The following AHRR variants were observed in gnomAD, a reference collection of about 807,000 sequenced individuals.
The protein encoded by AHRR is ahR repressor.
A neutral mutation model predicts 44.0 loss-of-function variants in AHRR; 28 were observed. The ratio of observed to expected loss-of-function variants is 0.64; its 90% CI spans 0.47 to 0.87. The LOEUF (loss-of-function observed/expected upper bound fraction) is 0.87, where lower values mean the gene tolerates loss of function less well. AHRR is among the 40% of genes least tolerant of loss of function. AHRR has a pLI of 0.00. For synonymous variants in AHRR, 434 were observed against 407.0 expected, an observed-to-expected ratio of 1.07 and a Z score of -0.80; for missense variants, 990 against 953.9, an observed-to-expected ratio of 1.04 and a Z score of -0.50.
In AHRR at chr5:388,351, C is replaced by G. The variant is rs1734256271; in HGVS notation, c.351+11635C>G. 1.3e-5 allele frequency among the ~76,000 whole-genome samples: 2 copies of G among 152,362 alleles called. No homozygotes were observed. The highest frequency in any genetic ancestry group is 4.1e-4 in the South Asian group (2 of 4,830). ...CTGGGGCTGCCCCAAGACTGTGAAG[C>G]TCATGGACTCACGCAGCCATCCATC... On this transcript the variant is annotated intron_variant, in intron 4 of 10. Coordinates refer to ENST00000684583, the MANE Select transcript of AHRR (RefSeq NM_001377236.1). This position sits in a 1 kb window ranked among gnomAD's most constrained non-coding sequence, Gnocchi z 5.2.
At chr5:415,731 C>CCGAG (rs1579689950) in intron 5 of AHRR, among the ~76,000 whole-genome samples, 1 of 152,110 alleles carries the variant, frequency 6.6e-6, no homozygotes, top group Non-Finnish European at 1.5e-5. Context: ...GGCCTAGGGG[C>CCGAG]TGTGCAGAGC....
At chr5:365,074 T>C (rs933066565) in intron 3 of AHRR, among the ~76,000 whole-genome samples, 2 of 152,064 alleles carry the variant, frequency 1.3e-5, no homozygotes, top group Non-Finnish European at 2.9e-5. Flanking sequence ...TGTAACTCAG[T>C]ATTTTATAGA....
chr5:397,130 C>T (rs1343397223), intron 4 of AHRR, among the ~76,000 whole-genome samples: 7 of 133,702 alleles, frequency 5.2e-5, no homozygotes, highest in African/African-American at 1.1e-4. Flanking sequence ...CCATGTTAGC[C>T]CCTGACCATC....
chr5:412,879 C>A (rs1735527476), intron 4 of AHRR, among the ~76,000 whole-genome samples: 1 of 152,086 alleles, frequency 6.6e-6, no homozygotes, highest in African/African-American at 2.4e-5. Flanking sequence ...CACCACCACA[C>A]CCGGCTAATT....
chr5:422,363 A>G, intron 5 of AHRR: 1 of 327,332 alleles, frequency 3.1e-6, no homozygotes, highest in East Asian at 9.3e-5. Flanking sequence ...ACAGGCCATA[A>G]GATGTGAAGT....
intron 4 of AHRR, among the ~76,000 whole-genome samples, chr5:402,003 A>C (rs1735033027): frequency 6.6e-6 from 1 of 152,192 alleles, no homozygotes. Context: ...CCGTCAACAC[A>C]ATGAAGAGGC....
intron 9 of AHRR, 84 bp from the exon 10 acceptor site, chr5:432,722 T>C: frequency 6.2e-7 from 1 of 1,606,466 alleles, no homozygotes; most frequent in Non-Finnish European, 8.5e-7. Context: ...CGATGGGTCC[T>C]GCCTTGCTGA....
Position 395,222 on chromosome 5 carries a change from G to A in AHRR, c.352-18122G>A, listed in dbSNP as rs970215471. Among the ~76,000 whole-genome samples the A allele has an allele frequency of 2.6e-5, 4 of 152,186 alleles. No individual in the cohort carries two copies. Among genetic ancestry groups the A allele is most frequent in the African/African-American group, 9.7e-5 (4 of 41,448 alleles). On this transcript the variant is annotated intron_variant, in intron 4 of 10. Coordinates refer to ENST00000684583, the MANE Select transcript of AHRR (RefSeq NM_001377236.1). This position sits in a 1 kb window ranked among gnomAD's most constrained non-coding sequence, Gnocchi z 5.3. ...CAAGTCCCCCTCCTGCCAGGTGGCCGACACTGGCTGCCCTGCGTCCCCATT... is the reference window on the plus strand; with the variant it reads ...CAAGTCCCCCTCCTGCCAGGTGGCCAACACTGGCTGCCCTGCGTCCCCATT...
At position 400,652 on chromosome 5, in the gene AHRR, G is replaced by A. The variant is rs559536480; in HGVS notation, c.352-12692G>A. On this transcript the variant is annotated intron_variant, in intron 4 of 10. Coordinates refer to ENST00000684583, the MANE Select transcript of AHRR (RefSeq NM_001377236.1). ...GCATATTTGAAAGATGGGCCCACAT[G>A]TGTAAAAGTATTTGGCATGACAATG... is the stretch of plus-strand genomic sequence containing the variant. Among the ~76,000 whole-genome samples the A allele has an allele frequency of 2.6e-5, 4 of 152,282 alleles. No homozygotes were observed. The South Asian group carries it at 8.3e-4, about 32-fold the overall frequency.
rs547974327 is a variant in AHRR at position 404,346 on chromosome 5, T to G, written c.352-8998T>G. On this transcript the variant is annotated intron_variant, in intron 4 of 10. Transcript: ENST00000684583. This position sits in a 1 kb window ranked among gnomAD's most constrained non-coding sequence, Gnocchi z 4.1. ...TAAAAGCTGTTTCACTCTTTTTTTT[T>G]TCTTTTTTCCTTCATTCTGGGTGTC... 2.3e-4 allele frequency: 111 copies of G among 491,348 alleles called. No individual in the cohort carries two copies. Among genetic ancestry groups the G allele is most frequent in the Non-Finnish European group, 3.6e-4 (90 of 246,928 alleles). The allele number at this position is 491,348 out of a possible 1,614,324, so 30.4% of individuals were successfully genotyped here. A position where few individuals can be genotyped will look rare whatever the true frequency, so the allele number is the denominator to read the frequency against.
intron 4 of AHRR, chr5:403,722 G>A (rs957666489): frequency 4.2e-5 from 43 of 1,026,102 alleles, no homozygotes; most frequent in East Asian, 5.3e-5. Flanking sequence ...ATATTTTTCC[G>A]TATTAAAATT....
At chr5:386,572 C>G (rs562509522) in intron 4 of AHRR, among the ~76,000 whole-genome samples, 1 of 152,344 alleles carries the variant, frequency 6.6e-6, no homozygotes, top group Non-Finnish European at 1.5e-5. Context: ...CCTCTTGAAG[C>G]TGGGAAAAGC....
chr5:323,549 T>G (rs1741580742), intron 1 of AHRR, among the ~76,000 whole-genome samples: 1 of 152,250 alleles, frequency 6.6e-6, no homozygotes. Flanking sequence ...AAATTATTTA[T>G]TTCCTGCAAC....
In AHRR at chr5:434,657, A is replaced by G; in HGVS notation, c.1917A>G (p.Arg639=). ...CCCACCAGCTCTGTGCACGGGGCCGAGGTGAACAGTCCTGCACCTGCAGAG... is the reference window on the plus strand; with the variant it reads ...CCCACCAGCTCTGTGCACGGGGCCGGGGTGAACAGTCCTGCACCTGCAGAG... ...EPPHQLCARG[R]GEQSCTCRAA... Residue 639 remains arginine, a synonymous_variant, in exon 11 of 11, where the codon CGA becomes CGG. Coordinates refer to ENST00000684583, the MANE Select transcript of AHRR (RefSeq NM_001377236.1). 6.4e-7 allele frequency: 1 copy of G among 1,565,928 alleles called. No homozygotes were observed. Among genetic ancestry groups the G allele is most frequent in the Non-Finnish European group, 8.7e-7 (1 of 1,155,322 alleles).
At chr5:416,582 G>A (rs534449602) in intron 5 of AHRR, among the ~76,000 whole-genome samples, 260 of 152,368 alleles carry the variant, frequency 1.7e-3, no homozygotes, top group Non-Finnish European at 3.0e-3. Flanking sequence ...CGTTCCCACA[G>A]ATGGCATCAG....
intron 8 of AHRR, among the ~76,000 whole-genome samples, chr5:431,547 G>A (rs1324227091): frequency 6.6e-6 from 1 of 152,178 alleles, no homozygotes; most frequent in Non-Finnish European, 1.5e-5. Context: ...GATGCAAGGT[G>A]CATTCTGCAG....
chr5:429,844 C>T (rs1266618677), intron 8 of AHRR, among the ~76,000 whole-genome samples: 1 of 152,224 alleles, frequency 6.6e-6, no homozygotes, highest in East Asian at 1.9e-4. Flanking sequence ...CAGACAGAAC[C>T]TTGAGAGCAG....
intron 3 of AHRR, chr5:368,126 T>A (rs372306618): frequency 1.7e-6 from 1 of 593,838 alleles, no homozygotes. Flanking sequence ...CTCTGACAGC[T>A]GAGCTGGCAC....
intron 1 of AHRR, among the ~76,000 whole-genome samples, chr5:330,117 T>G (rs961666217): frequency 6.6e-6 from 1 of 152,198 alleles, no homozygotes. Flanking sequence ...ATAAATAGCC[T>G]TTATTATTTT....
Sources: gnomAD v4.1 joint callset for allele counts (sites outside exome capture counted in the v4.1 genomes callset) on GRCh38, gnomAD v4.1.1 for gene constraint, Gnocchi (gnomAD v3.1) non-coding constraint, MANE v1.5 for transcripts, NCBI Gene and HGNC (gene_info 2026-07-23, HGNC 2026-07-21) for gene names.